The following C8orf34 variants were observed in gnomAD, a reference collection of about 807,000 sequenced individuals.
The protein encoded by C8orf34 is uncharacterized protein C8orf34.
Under a neutral mutation model 68.3 loss-of-function variants are expected in C8orf34, and 65 were observed. The ratio of observed to expected loss-of-function variants is 0.95; its 90% confidence interval spans 0.78 to 1.17. The LOEUF (loss-of-function observed/expected upper bound fraction) is 1.17, where lower values mean the gene tolerates loss of function less well. Ranked by LOEUF, C8orf34 falls within the 50% of genes most tolerant of loss-of-function variation. The probability of loss-of-function intolerance (pLI) is 0.00; values close to 1 mark genes in which losing one functional copy is unlikely to be tolerated. For synonymous variants in C8orf34, 244 were observed against 241.2 expected (o/e 1.01, Z -0.11); for missense variants, 664 against 655.4 (o/e 1.01, Z -0.14).
At chr8:68,551,979 A>C (rs1586362510) in intron 7 of C8orf34, among the ~76,000 whole-genome samples, 1 of 152,260 alleles carries the variant, frequency 6.6e-6, no homozygotes, top group East Asian at 1.9e-4. Flanking sequence ...CCAATTTGTC[A>C]AAAGATGAAT....
chr8:68,517,525 T>A (rs1228187543), intron 5 of C8orf34, among the ~76,000 whole-genome samples: 1 of 152,194 alleles, frequency 6.6e-6, no homozygotes, highest in Non-Finnish European at 1.5e-5. Context: ...GCTTGTCAGC[T>A]ATTTCTCACT....
intron 7 of C8orf34, among the ~76,000 whole-genome samples, chr8:68,572,245 A>C (rs1475505122): frequency 6.6e-6 from 1 of 151,914 alleles, no homozygotes. Context: ...ACACACACAC[A>C]CACACACACA....
chr8:68,670,316 C>G (rs1466865588), intron 8 of C8orf34, among the ~76,000 whole-genome samples: 1 of 152,180 alleles, frequency 6.6e-6, no homozygotes, highest in Non-Finnish European at 1.5e-5. Flanking sequence ...ATTTCCTTAT[C>G]TGACCAAGGA....
intron 3 of C8orf34, among the ~76,000 whole-genome samples, chr8:68,449,358 T>C (rs374536630): frequency 6.6e-6 from 1 of 152,272 alleles, no homozygotes; most frequent in East Asian, 1.9e-4. Context: ...AATATTATGC[T>C]ACCTAGCCCC....
intron 10 of C8orf34, among the ~76,000 whole-genome samples, chr8:68,775,515 T>G (rs960171164): frequency 1.3e-5 from 2 of 152,156 alleles, no homozygotes; most frequent in Non-Finnish European, 2.9e-5. Context: ...TTACTAGTGC[T>G]CAGTGAAGTG....
At chr8:68,651,542 G>A (rs1347715914) in intron 8 of C8orf34, among the ~76,000 whole-genome samples, 1 of 152,138 alleles carries the variant, frequency 6.6e-6, no homozygotes, top group Non-Finnish European at 1.5e-5. Context: ...TACAATTAGG[G>A]AATGAAAACA....
intron 1 of C8orf34, among the ~76,000 whole-genome samples, chr8:68,406,208 T>C (rs571350684): frequency 2.6e-5 from 4 of 152,156 alleles, no homozygotes; most frequent in Non-Finnish European, 5.9e-5. Context: ...GCTGGTCCTC[T>C]GGGGGCTTTG....
intron 1 of C8orf34, among the ~76,000 whole-genome samples, chr8:68,414,250 T>G (rs1280489227): frequency 6.6e-6 from 1 of 152,212 alleles, no homozygotes; most frequent in Non-Finnish European, 1.5e-5. Flanking sequence ...TTGATTTGAT[T>G]ATATATTTAT....
chr8:68,627,101 A>G (rs1287671991), intron 7 of C8orf34, among the ~76,000 whole-genome samples: 1 of 152,150 alleles, frequency 6.6e-6, no homozygotes, highest in Non-Finnish European at 1.5e-5. Flanking sequence ...CCATCATCTT[A>G]CAATAATCAA....
intron 8 of C8orf34, among the ~76,000 whole-genome samples, chr8:68,659,348 A>G (rs1361898026): frequency 1.3e-5 from 2 of 151,416 alleles, no homozygotes; most frequent in Non-Finnish European, 2.9e-5. Flanking sequence ...GGTATTTCCT[A>G]CTCTTTCCAG....
intron 7 of C8orf34, 106 bp from the exon 8 acceptor site, chr8:68,640,270 A>T (rs948419885): frequency 9.9e-7 from 1 of 1,013,578 alleles, no homozygotes; most frequent in Non-Finnish European, 1.4e-6. Flanking sequence ...GGGGATATAT[A>T]TTGTTTTGCT....
At chr8:68,533,192 T>C in intron 7 of C8orf34, 43 bp downstream of exon 7, 1 of 1,542,428 alleles carries the variant, frequency 6.5e-7, no homozygotes, top group Non-Finnish European at 8.7e-7. Context: ...TTCTTTGACA[T>C]TGTAAAAAAA....
chr8:68,730,197 A>G (rs144947332), intron 10 of C8orf34, among the ~76,000 whole-genome samples: 5 of 152,286 alleles, frequency 3.3e-5, no homozygotes, highest in African/African-American at 1.2e-4. Context: ...GAAGTAATAA[A>G]TTATGATGAA....
intron 7 of C8orf34, among the ~76,000 whole-genome samples, chr8:68,630,129 C>A (rs1271033609): frequency 6.6e-5 from 10 of 151,628 alleles, no homozygotes; most frequent in African/African-American, 2.4e-4. Context: ...TGACATATAT[C>A]ATAAAATAGC....
chr8:68,401,115 G>GTT (rs57444673), intron 1 of C8orf34, among the ~76,000 whole-genome samples: 4,571 of 138,978 alleles, frequency 0.033, 98 homozygotes, highest in Middle Eastern at 0.049. Context: ...CATATTCCTA[G>GTT]TTTTTTTTTT....
Position 68,466,738 on chromosome 8 carries a change from C to CATATATATATATATGTGTATAT in C8orf34, c.608-1940_608-1939insGTGTATATATATATATATATAT, listed in dbSNP as rs566438333. ...TTCTGTGAAAATAAACAACGTTGTA[C>CATATATATATATATGTGTATAT]ATATATATATATATATATATATATA... On this transcript the variant is annotated intron_variant, in intron 3 of 13. Transcript: ENST00000518698. Among the ~76,000 whole-genome samples, 31 of 120,626 alleles carry CATATATATATATATGTGTATAT rather than the reference C, an allele frequency of 2.6e-4. 2 individuals carry two copies. The highest frequency in any genetic ancestry group is 1.8e-3 in the Admixed American group (21 of 11,924). 79.1% of individuals were successfully genotyped at this position (120,626 alleles called of 152,430 possible).
Position 68,462,845 on chromosome 8 carries a change from A to T in C8orf34, c.608-5847A>T, listed in dbSNP as rs1251556704. Among the ~76,000 whole-genome samples, 3 of 152,194 alleles carry T rather than the reference A, an allele frequency of 2.0e-5. No individual in the cohort carries two copies. In the South Asian group the frequency reaches 6.2e-4, roughly 32 times the overall value. On this transcript the variant is annotated intron_variant, in intron 3 of 13. Transcript: ENST00000518698. ...ATGCCCACAAAAGAAAGCAGGAAAG[A>T]TCCAAAATTGACACCCTAACATCAC... is the stretch of plus-strand genomic sequence containing the variant.
Position 68,439,522 on chromosome 8 carries a change from T to G in C8orf34, c.351T>G (p.Thr117=). ...AGGAATTAATGACCAAGTTAATAAC[T>G]GAGACACCTGACCAGCCAATCCCAT... ...LFEELMTKLI[T]ETPDQPIPFL... The change falls in exon 2 of 14, where the codon ACT becomes ACG. Residue 117 remains threonine, a synonymous_variant. Transcript: ENST00000518698. The G allele has an allele frequency of 6.2e-7, 1 of 1,613,648 alleles. No individual in the cohort carries two copies. Among genetic ancestry groups the G allele is most frequent in the Non-Finnish European group, 8.5e-7 (1 of 1,179,720 alleles).
chr8:68,768,287 C>T (rs1823238547), intron 10 of C8orf34, among the ~76,000 whole-genome samples: 1 of 152,106 alleles, frequency 6.6e-6, no homozygotes, highest in Non-Finnish European at 1.5e-5. Context: ...ATATTTCCTG[C>T]CCTACACATG....
Sources: allele counts gnomAD v4.1 joint callset (sites outside exome capture counted in the v4.1 genomes callset), GRCh38; gene constraint gnomAD v4.1.1; transcripts MANE v1.5; gene names NCBI Gene and HGNC (gene_info 2026-07-23, HGNC 2026-07-21).